Variants in TOMM34 observed in about 807,000 individuals in gnomAD.
TOMM34 encodes the protein mitochondrial import receptor subunit TOM34.
Under a neutral mutation model 37.4 loss-of-function variants are expected in TOMM34, and 24 were observed. That is an observed-to-expected ratio of 0.64 (90% confidence interval 0.46 to 0.90). The LOEUF (loss-of-function observed/expected upper bound fraction) is 0.90. Ranked by LOEUF, TOMM34 falls within the 40% of genes least tolerant of loss-of-function variation. TOMM34 has a pLI of 0.00. For synonymous variants in TOMM34, 154 were observed against 148.9 expected (o/e 1.03, Z -0.25); for missense variants, 304 against 375.6 (o/e 0.81, Z 1.58).
At chr20:44,948,576 C>T (rs2066999951) in intron 5 of TOMM34, among the ~76,000 whole-genome samples, 154 bp downstream of exon 5, 1 of 152,286 alleles carries the variant, frequency 6.6e-6, no homozygotes, top group East Asian at 1.9e-4. Flanking sequence ...AGAATGAATG[C>T]CACTGGTCAT....
rs112033922 is a variant in TOMM34, at chr20:44,960,149, G to T, written c.127+58C>A. 1.6e-3 allele frequency: 2,422 copies of T among 1,511,752 alleles called. 39 individuals are homozygous for T. In the African/African-American group the frequency reaches 0.03, roughly 19 times the overall value. The allele number at this position is 1,511,752 out of a possible 1,614,324, so 93.6% of individuals were successfully genotyped here. ...GCTGGCCGCCGCGCGAGGCCCGGGC[G>T]GTGGTTGCGGGAGTTGGAGGAGCAG... On this transcript the variant is annotated intron_variant, in intron 1 of 6. Coordinates refer to ENST00000372813, the MANE Select transcript of TOMM34 (RefSeq NM_006809.5).
At chr20:44,960,151 T>G in intron 1 of TOMM34, 56 bp downstream of exon 1, 2 of 1,511,618 alleles carry the variant, frequency 1.3e-6, no homozygotes, top group Non-Finnish European at 1.8e-6. Flanking sequence ...GCCCGGGCGG[T>G]GGTTGCGGGA....
At chr20:44,945,597 G>A (rs1223783230) in intron 5 of TOMM34, among the ~76,000 whole-genome samples, 1 of 152,244 alleles carries the variant, frequency 6.6e-6, no homozygotes, top group Non-Finnish European at 1.5e-5. Flanking sequence ...TGCTAAGAAA[G>A]TGGAAAGAGG....
chr20:44,948,982 T>G, intron 4 of TOMM34, 105 bp from the exon 5 acceptor site: 3 of 1,370,468 alleles, frequency 2.2e-6, no homozygotes, highest in Non-Finnish European at 2.9e-6. Flanking sequence ...CAATCCTCTC[T>G]CCCAGAGATT....
chr20:44,943,166 C>T lies in TOMM34; in HGVS notation c.873G>A (p.Glu291=), dbSNP rs1951876934. The stretch of plus-strand genomic sequence containing the variant: ...ACTTCTGTGCAGGACCATTCCTAGG[C>T]TCAATCTGTAGGAGGTTGCTGATGT... ...FADISNLLQI[E]PRNGPAQKLR... is the part of the protein sequence containing the mutation. The change falls in exon 7 of 7, where the codon GAG becomes GAA. Residue 291 remains glutamate (E), a synonymous_variant. Coordinates refer to ENST00000372813, the MANE Select transcript of TOMM34 (RefSeq NM_006809.5). 2 of 1,614,154 alleles carry T rather than the reference C, an allele frequency of 1.2e-6. No individual in the cohort carries two copies. Among genetic ancestry groups the T allele is most frequent in the African/African-American group, 1.3e-5 (1 of 75,022 alleles).
chr20:44,956,497 G>T lies in TOMM34; in HGVS notation c.128-12C>A, dbSNP rs370230228. ...TGGGTCTGAAGAACCTGCCCAGATA[G>T]AGTGGGGAAGATGATCAGTTTGGAA... On this transcript the variant is annotated splice_polypyrimidine_tract_variant and intron_variant, in intron 1 of 6. Transcript: ENST00000372813. The T allele has an allele frequency of 1.2e-4, 199 of 1,613,834 alleles. 1 individual carries two copies. The highest frequency in any genetic ancestry group is 1.5e-4 in the Non-Finnish European group (172 of 1,179,878).
intron 4 of TOMM34, among the ~76,000 whole-genome samples, chr20:44,949,985 C>T (rs1302896355): frequency 6.6e-6 from 1 of 152,180 alleles, no homozygotes; most frequent in East Asian, 1.9e-4. Context: ...CCTGCAGCTC[C>T]TTCATTTTCA....
chr20:44,958,980 G>C (rs1484577794), intron 1 of TOMM34: 4 of 151,124 alleles, frequency 2.6e-5, no homozygotes, highest in Non-Finnish European at 5.9e-5. Flanking sequence ...GAGAGGTCTA[G>C]CAAAATGATT....
chr20:44,958,142 A>G (rs6103939), intron 1 of TOMM34, among the ~76,000 whole-genome samples: 20 of 121,044 alleles, frequency 1.7e-4, no homozygotes, highest in African/African-American at 6.1e-4. Context: ...ATATGTATAT[A>G]TATGTGTGTG....
intron 5 of TOMM34, among the ~76,000 whole-genome samples, chr20:44,944,787 C>G (rs758320797): frequency 2.9e-4 from 44 of 152,240 alleles, no homozygotes; most frequent in Non-Finnish European, 6.5e-4. Flanking sequence ...TTTCCTACAA[C>G]TGTACCAACT....
Position 44,943,436 on chromosome 20 carries a change from C to T in TOMM34, c.825+17G>A, listed in dbSNP as rs780594319. On this transcript the variant is annotated intron_variant, in intron 6 of 6. Transcript: ENST00000372813. ...CTGTAGCTATGTTGGGACCTTTTGGCCAGGATTTTTTTTTACCTTGAGTGC... is the reference window on the plus strand; with the variant it reads ...CTGTAGCTATGTTGGGACCTTTTGGTCAGGATTTTTTTTTACCTTGAGTGC... 6.2e-7 allele frequency: 1 copy of T among 1,614,048 alleles called. No individual in the cohort carries two copies. The highest frequency in any genetic ancestry group is 8.5e-7 in the Non-Finnish European group (1 of 1,179,986).
intron 3 of TOMM34, 63 bp downstream of exon 3, chr20:44,955,005 C>T: frequency 6.3e-7 from 1 of 1,583,346 alleles, no homozygotes; most frequent in Non-Finnish European, 8.6e-7. Context: ...AGGCAATGGC[C>T]CGCAGCCAAT....
At chr20:44,955,682 C>T (rs973997959) in intron 2 of TOMM34, 6 of 456,206 alleles carry the variant, frequency 1.3e-5, no homozygotes, top group African/African-American at 2.0e-5. Flanking sequence ...ACATGGTAAC[C>T]GTACCCCACA....
At chr20:44,955,517 C>T (rs776434082) in intron 2 of TOMM34, 1 of 519,838 alleles carries the variant, frequency 1.9e-6, no homozygotes, top group South Asian at 1.5e-5. Flanking sequence ...TTTCATGCTA[C>T]TATGTTTTTT....
rs1239047877 is a variant in TOMM34, at chr20:44,943,023, T to C, written c.*86A>G. 1.5e-6 allele frequency: 2 copies of C among 1,335,624 alleles called. No homozygotes were observed. Among genetic ancestry groups the C allele is most frequent in the Admixed American group, 3.5e-5 (2 of 57,674 alleles). 82.7% of individuals were successfully genotyped at this position (1,335,624 alleles called of 1,614,324 possible). Reference sequence around the variant, plus strand: ...GCTTCAGAGCTCACTTGGGGCATGCTGGGTTTCAGGAGCGGGCACAGAGCA... The same window carrying C: ...GCTTCAGAGCTCACTTGGGGCATGCCGGGTTTCAGGAGCGGGCACAGAGCA... On this transcript the variant is annotated 3_prime_UTR_variant, in exon 7 of 7. Transcript: ENST00000372813.
Position 44,960,257 on chromosome 20 carries a change from G to A in TOMM34, c.77C>T (p.Ala26Val). Residue 26 changes from alanine (A) to valine (V), a missense_variant, in exon 1 of 7, where the codon GCC becomes GTC. Physicochemically the swap from Ala to Val is moderately conservative, Grantham distance 64 (BLOSUM62 0). Transcript: ENST00000372813. ...GNESFRNGQYAEASALYGRAL... is the reference protein window; with the variant it reads ...GNESFRNGQYVEASALYGRAL... The stretch of plus-strand genomic sequence containing the variant: ...GCGGCCGTAGAGCGCGGAGGCCTCG[G>A]CGTACTGGCCGTTGCGGAAACTCTC... 1 of 1,572,038 alleles carries A rather than the reference G, an allele frequency of 6.4e-7. No individual in the cohort carries two copies. Among genetic ancestry groups the A allele is most frequent in the Non-Finnish European group, 8.6e-7 (1 of 1,159,494 alleles).
At chr20:44,957,207 A>G (rs1236426523) in intron 1 of TOMM34, among the ~76,000 whole-genome samples, 2 of 151,954 alleles carry the variant, frequency 1.3e-5, no homozygotes, top group Non-Finnish European at 2.9e-5. Context: ...TTTTTTTTTG[A>G]GACAGAGTCC....
intron 4 of TOMM34, among the ~76,000 whole-genome samples, chr20:44,949,573 A>G (rs2067009385): frequency 6.6e-6 from 1 of 152,202 alleles, no homozygotes; most frequent in African/African-American, 2.4e-5. Context: ...CTTGGCCCCA[A>G]TTAATTATTC....
chr20:44,946,716 T>A, intron 5 of TOMM34, among the ~76,000 whole-genome samples: 1 of 152,202 alleles, frequency 6.6e-6, no homozygotes, highest in Admixed American at 6.5e-5. Flanking sequence ...CAGATGGGCG[T>A]ACATGAGGTG....
Sources: allele counts gnomAD v4.1 joint callset (sites outside exome capture counted in the v4.1 genomes callset), GRCh38; gene constraint gnomAD v4.1.1; transcripts MANE v1.5; gene names NCBI Gene and HGNC (gene_info 2026-07-23, HGNC 2026-07-21).